Variants in CLTCL1 observed in about 807,000 individuals in gnomAD.
The protein encoded by CLTCL1 is clathrin heavy chain like 1, also known as clathrin heavy chain 2.
CLTCL1 carries 159 observed loss-of-function variants against 190.0 expected under a neutral mutation model. The ratio of observed to expected loss-of-function variants is 0.84; its 90% CI spans 0.74 to 0.95. CLTCL1 has a LOEUF of 0.95. Among genes scored for constraint, CLTCL1 ranks in the 40% least tolerant of loss-of-function variants. CLTCL1 has a pLI of 0.00. For missense variants in CLTCL1, 1,878 were observed against 2,033.4 expected, an observed-to-expected ratio of 0.92 and a Z score of 1.47; for synonymous variants, 752 against 769.6, an observed-to-expected ratio of 0.98 and a Z score of 0.38.
chr22:19,197,250 G>C (rs969382694), intron 24 of CLTCL1, among the ~76,000 whole-genome samples: 1 of 152,078 alleles, frequency 6.6e-6, no homozygotes, highest in Admixed American at 6.5e-5. Context: ...GTCCGACCTA[G>C]AGGACTGCCT....
chr22:19,238,068 T>A (rs2086135164), intron 5 of CLTCL1, among the ~76,000 whole-genome samples: 1 of 152,146 alleles, frequency 6.6e-6, no homozygotes, highest in African/African-American at 2.4e-5. Flanking sequence ...TAAGATTTTT[T>A]ATTTTTATTC....
At chr22:19,268,175 T>C (rs1319687779) in intron 2 of CLTCL1, among the ~76,000 whole-genome samples, 2 of 152,196 alleles carry the variant, frequency 1.3e-5, no homozygotes, top group Non-Finnish European at 2.9e-5. Flanking sequence ...AGGTTCCTTT[T>C]TGCCCTTCTG....
At chr22:19,204,774 TACAC>T (rs2060351104) in intron 22 of CLTCL1, among the ~76,000 whole-genome samples, 1 of 152,146 alleles carries the variant, frequency 6.6e-6, no homozygotes, top group Non-Finnish European at 1.5e-5. Context: ...GTGGGAAACA[TACAC>T]AAACCAGGCG....
chr22:19,235,691 C>T lies in CLTCL1; in HGVS notation c.969+5G>A. The stretch of plus-strand genomic sequence containing the variant: ...GGTAGAAAATGAAATGTCAGAGTTA[C>T]ACACCTGTCCCTTTTTGTTGACACC... On this transcript the variant is annotated splice_donor_5th_base_variant and intron_variant, in intron 6 of 32. Coordinates refer to ENST00000427926, the MANE Select transcript of CLTCL1 (RefSeq NM_007098.4). The T allele has an allele frequency of 1.2e-6, 2 of 1,610,420 alleles. No homozygotes were observed. The highest frequency in any genetic ancestry group is 1.7e-6 in the Non-Finnish European group (2 of 1,178,190).
intron 10 of CLTCL1, among the ~76,000 whole-genome samples, chr22:19,231,135 C>T (rs941681239): frequency 6.6e-6 from 1 of 152,174 alleles, no homozygotes; most frequent in East Asian, 1.9e-4. Flanking sequence ...GATTGAGCCA[C>T]GCTACCAGAA....
chr22:19,245,239 G>A (rs2086382876), intron 3 of CLTCL1, among the ~76,000 whole-genome samples: 1 of 144,308 alleles, frequency 6.9e-6, no homozygotes, highest in South Asian at 2.2e-4. Flanking sequence ...TCTCACCCAG[G>A]ATGGAGTGCA....
intron 3 of CLTCL1, among the ~76,000 whole-genome samples, chr22:19,249,167 T>C (rs2146023298): frequency 1.3e-5 from 2 of 152,234 alleles, no homozygotes; most frequent in Middle Eastern, 6.8e-3. Context: ...GAGACCATCC[T>C]GGCTAACATG....
chr22:19,245,641 C>A (rs2086396233), intron 3 of CLTCL1, among the ~76,000 whole-genome samples: 1 of 152,340 alleles, frequency 6.6e-6, no homozygotes, highest in Non-Finnish European at 1.5e-5. Context: ...AAAAGAAATT[C>A]CTGTGCCCAT....
chr22:19,185,891 C>T (rs115755841), intron 29 of CLTCL1, among the ~76,000 whole-genome samples: 316 of 152,364 alleles, frequency 2.1e-3, no homozygotes, highest in African/African-American at 6.9e-3. Context: ...TCCCAGCAGC[C>T]AGGTCCAGAG....
At chr22:19,270,726 C>CAAAAAA (rs35877753) in intron 2 of CLTCL1, among the ~76,000 whole-genome samples, 65 of 78,568 alleles carry the variant, frequency 8.3e-4, no homozygotes, top group African/African-American at 1.4e-3. Flanking sequence ...GACTCCAACT[C>CAAAAAA]AAAAAAAAAA....
intron 5 of CLTCL1, 32 bp from the exon 6 acceptor site, chr22:19,235,901 A>G (rs782542865): frequency 3.2e-6 from 5 of 1,576,918 alleles, no homozygotes; most frequent in Non-Finnish European, 4.3e-6. Flanking sequence ...GAGGTTGGAA[A>G]GTAAGGAGGA....
intron 30 of CLTCL1, 61 bp from the exon 31 acceptor site, chr22:19,180,867 G>C (rs782761787): frequency 2.0e-6 from 3 of 1,478,266 alleles, no homozygotes; most frequent in Non-Finnish European, 2.8e-6. Context: ...GCCTCTAGGT[G>C]AAAGTGGAGT....
chr22:19,251,172 T>A (rs2086578421), intron 3 of CLTCL1, among the ~76,000 whole-genome samples: 1 of 142,096 alleles, frequency 7.0e-6, no homozygotes, highest in South Asian at 2.1e-4. Flanking sequence ...GTTTTCAGAA[T>A]GTAACTTTTG....
intron 3 of CLTCL1, among the ~76,000 whole-genome samples, chr22:19,247,664 G>A (rs929627454): frequency 2.0e-5 from 3 of 151,962 alleles, no homozygotes; most frequent in Non-Finnish European, 2.9e-5. Context: ...GGGTTCAGGC[G>A]ATTCTCCCGC....
At chr22:19,281,659 CCAGA>C (rs2087720215) in intron 1 of CLTCL1, among the ~76,000 whole-genome samples, 1 of 152,184 alleles carries the variant, frequency 6.6e-6, no homozygotes, top group African/African-American at 2.4e-5. Flanking sequence ...TGGATGCTCT[CCAGA>C]CAGAGCAGTG....
Position 19,233,273 on chromosome 22 carries a change from G to A in CLTCL1, c.1414C>T (p.Pro472Ser). Reference sequence around the variant, plus strand: ...AGGTACACACTCAGAGCGAGCATGGGGTCAGTGGTTTTGACCAAGTCTCCG... The same window carrying A: ...AGGTACACACTCAGAGCGAGCATGGAGTCAGTGGTTTTGACCAAGTCTCCG... ...ELGDLVKTTD[P>S]MLALSVYLRA... The change falls in exon 9 of 33, where the codon CCC (proline) becomes TCC (serine). Residue 472 changes from proline (P) to serine (S), a missense_variant. Transcript: ENST00000427926. 1 of 1,613,878 alleles carries A rather than the reference G, an allele frequency of 6.2e-7. No homozygotes were observed. The highest frequency in any genetic ancestry group is 8.5e-7 in the Non-Finnish European group (1 of 1,179,770).
chr22:19,203,710 T>C (rs1555941214), intron 22 of CLTCL1, among the ~76,000 whole-genome samples: 1 of 152,184 alleles, frequency 6.6e-6, no homozygotes. Flanking sequence ...GGGTGCTGCC[T>C]GTCCCTGGAG....
intron 1 of CLTCL1, among the ~76,000 whole-genome samples, chr22:19,283,460 T>C (rs1432814224): frequency 2.7e-5 from 4 of 150,442 alleles, no homozygotes; most frequent in Non-Finnish European, 5.9e-5. Flanking sequence ...TTTGTATTTT[T>C]AGTAGAGACA....
intron 19 of CLTCL1, 55 bp downstream of exon 19, chr22:19,216,056 C>A: frequency 6.4e-7 from 1 of 1,566,342 alleles, no homozygotes. Flanking sequence ...AGATGAGTAT[C>A]AAGCAGATGT....
Sources: gnomAD v4.1 joint callset for allele counts (sites outside exome capture counted in the v4.1 genomes callset) on GRCh38, gnomAD v4.1.1 for gene constraint, MANE v1.5 for transcripts, NCBI Gene and HGNC (gene_info 2026-07-23, HGNC 2026-07-21) for gene names.